IGDCC3: variants seen among roughly 807,000 people sequenced by gnomAD.
IGDCC3 encodes putative neuronal cell adhesion molecule.
IGDCC3 carries 47 observed loss-of-function variants against 72.0 expected under a neutral mutation model. The ratio of observed to expected loss-of-function variants is 0.65; its 90% CI spans 0.52 to 0.83. The LOEUF (loss-of-function observed/expected upper bound fraction) is 0.83. Ranked by LOEUF, IGDCC3 falls within the 40% of genes least tolerant of loss-of-function variation. IGDCC3 has a pLI of 0.00. For synonymous variants in IGDCC3, 477 were observed against 472.8 expected, an observed-to-expected ratio of 1.01 and a Z score of -0.11; for missense variants, 1,038 against 1,091.3, an observed-to-expected ratio of 0.95 and a Z score of 0.69.
In IGDCC3 at chr15:65,335,435, G is replaced by A. The variant is rs370400101; in HGVS notation, c.555-14C>T. ...AGCAATGTGTACCTGTTGAGGGGAGGGACATAGTTGGCCACCAGCACAGCC... is the reference window on the plus strand; with the variant it reads ...AGCAATGTGTACCTGTTGAGGGGAGAGACATAGTTGGCCACCAGCACAGCC... On this transcript the variant is annotated splice_polypyrimidine_tract_variant and intron_variant, in intron 3 of 13. Coordinates refer to ENST00000327987, the MANE Select transcript of IGDCC3 (RefSeq NM_004884.4). 31 of 1,595,102 alleles carry A rather than the reference G, an allele frequency of 1.9e-5. No homozygotes were observed. Among genetic ancestry groups the A allele is most frequent in the Middle Eastern group, 1.7e-4 (1 of 5,970 alleles).
chr15:65,335,224 A>T, intron 4 of IGDCC3, 67 bp downstream of exon 4: 1 of 1,529,440 alleles, frequency 6.5e-7, no homozygotes, highest in Non-Finnish European at 8.9e-7. Context: ...AAGGGGGTTG[A>T]TCTAAGGGTA....
chr15:65,335,803 G>A lies in IGDCC3; in HGVS notation c.554+9C>T, dbSNP rs911126674. On this transcript the variant is annotated intron_variant, in intron 3 of 13. Transcript: ENST00000327987. Reference sequence around the variant, plus strand: ...TGTCCTCCCTCTGTCTTTCCCACACGTGGCTCACCTCTCATTGTCCGTGTC... The same window carrying A: ...TGTCCTCCCTCTGTCTTTCCCACACATGGCTCACCTCTCATTGTCCGTGTC... 7 of 1,613,774 alleles carry A rather than the reference G, an allele frequency of 4.3e-6. No homozygotes were observed. Among genetic ancestry groups the A allele is most frequent in the Middle Eastern group, 1.6e-4 (1 of 6,082 alleles).
chr15:65,359,523 T>A (rs2091247467), intron 2 of IGDCC3, among the ~76,000 whole-genome samples: 1 of 152,154 alleles, frequency 6.6e-6, no homozygotes, highest in African/African-American at 2.4e-5. Flanking sequence ...TCTCCTGGGA[T>A]GGAAGACTGA....
chr15:65,333,232 C>T, intron 6 of IGDCC3, 25 bp downstream of exon 6: 1 of 1,574,940 alleles, frequency 6.3e-7, no homozygotes, highest in Non-Finnish European at 8.6e-7. Flanking sequence ...CCCTGCCCTC[C>T]TCCTCAGGGT....
At chr15:65,357,147 C>A (rs1054028083) in intron 2 of IGDCC3, among the ~76,000 whole-genome samples, 1 of 151,888 alleles carries the variant, frequency 6.6e-6, no homozygotes, top group Non-Finnish European at 1.5e-5. Flanking sequence ...CCACCACACC[C>A]GGCCTGGACC....
At chr15:65,362,846 ATTTT>A (rs869239198) in intron 2 of IGDCC3, among the ~76,000 whole-genome samples, 6,487 of 85,548 alleles carry the variant, frequency 0.076, 650 homozygotes, top group African/African-American at 0.26. Flanking sequence ...AGGTTTGGGG[ATTTT>A]TTTTTTTTTT....
In IGDCC3 at chr15:65,377,249, C is replaced by T; in HGVS notation, c.103+437G>A. On this transcript the variant is annotated intron_variant, in intron 1 of 13. Transcript: ENST00000327987. This position sits in a 1 kb window ranked among gnomAD's most constrained non-coding sequence, Gnocchi z 4.9. ...CCGCCCAGTGCAGCCGTCAGAGTCC[C>T]GGTCTCCGCTCCCCAGGCTGCTGTC... 6.6e-6 allele frequency among the ~76,000 whole-genome samples: 1 copy of T among 152,184 alleles called. No individual in the cohort carries two copies. The highest frequency in any genetic ancestry group is 1.5e-5 in the Non-Finnish European group (1 of 68,034).
intron 2 of IGDCC3, among the ~76,000 whole-genome samples, chr15:65,370,622 A>ATATATGTATGTG (rs2091320000): frequency 1.2e-5 from 1 of 81,698 alleles, no homozygotes; most frequent in South Asian, 3.1e-4. Flanking sequence ...ATGTATGTGT[A>ATATATGTATGTG]TATATATATA....
intron 2 of IGDCC3, chr15:65,355,585 G>GGGCCGCGCGCCGCCTTTGAAGT (rs1385646608): frequency 3.1e-5 from 5 of 160,120 alleles, no homozygotes; most frequent in African/African-American, 1.2e-4. Flanking sequence ...ACAGCCGACC[G>GGGCCGCGCGCCGCCTTTGAAGT]GGCCGCGCGC....
At chr15:65,370,620 G>GTATATATATATATATATATA (rs71136346) in intron 2 of IGDCC3, among the ~76,000 whole-genome samples, 11 of 94,570 alleles carry the variant, frequency 1.2e-4, no homozygotes, top group East Asian at 8.8e-4. Context: ...ATATGTATGT[G>GTATATATATATATATATATA]TATATATATA....
chr15:65,331,150 G>C lies in IGDCC3; in HGVS notation c.1461C>G (p.Asp487Glu). 6.2e-7 allele frequency: 1 copy of C among 1,614,146 alleles called. No homozygotes were observed. Among genetic ancestry groups the C allele is most frequent in the Non-Finnish European group, 8.5e-7 (1 of 1,180,012 alleles). The change falls in exon 9 of 14, where the codon GAC becomes GAG. Residue 487 changes from aspartate to glutamate, a missense_variant. By Grantham distance (45) the Asp-to-Glu change is conservative. Transcript: ENST00000327987. ...SKSTFQHLVS[D>E]LEPSTAYSFY... The stretch of plus-strand genomic sequence containing the variant: ...AACTGTAGGCTGTGGAGGGCTCCAG[G>C]TCGCTGACCAGGTGCTGAAAGGTGC...
chr15:65,350,185 G>A (rs1000014601), intron 2 of IGDCC3, among the ~76,000 whole-genome samples: 8 of 152,150 alleles, frequency 5.3e-5, no homozygotes, highest in Admixed American at 4.6e-4. Context: ...AGTCGGGAGT[G>A]CAGTGGCTTG....
chr15:65,329,529 G>A lies in IGDCC3; in HGVS notation c.2066C>T (p.Pro689Leu), dbSNP rs758579816. 3.0e-5 allele frequency: 49 copies of A among 1,606,752 alleles called. No homozygotes were observed. Among genetic ancestry groups the A allele is most frequent in the Non-Finnish European group, 4.0e-5 (47 of 1,178,190 alleles). ...PPQGPRSQRDPGILALNGARR... is the reference protein window; with the variant it reads ...PPQGPRSQRDLGILALNGARR... ...CGCCCCATTTAGGGCTAGAATGCCA[G>A]GGTCCCTCTGGCTCCGGGGACCCTG... Residue 689 changes from proline to leucine, a missense_variant, in exon 13 of 14, where the codon CCT (proline) becomes CTT (leucine). Physicochemically the swap from Pro to Leu is moderately conservative, Grantham distance 98. Coordinates refer to ENST00000327987, the MANE Select transcript of IGDCC3 (RefSeq NM_004884.4). The surrounding 1 kb of genome is among the most constrained non-coding windows in gnomAD (Gnocchi z 4.1).
intron 5 of IGDCC3, among the ~76,000 whole-genome samples, chr15:65,334,254 G>C (rs1056800039): frequency 6.6e-6 from 1 of 152,142 alleles, no homozygotes; most frequent in African/African-American, 2.4e-5. Context: ...AGCTGCCTGG[G>C]GATTTAGGCT....
intron 2 of IGDCC3, among the ~76,000 whole-genome samples, chr15:65,354,726 TC>T (rs1440574700): frequency 6.6e-6 from 1 of 152,218 alleles, no homozygotes; most frequent in Non-Finnish European, 1.5e-5. Context: ...CCTCATCTTG[TC>T]TTCCACATAA....
At position 65,329,189 on chromosome 15, in the gene IGDCC3, C is replaced by T. The variant is rs556180007; in HGVS notation, c.2206-41G>A. 6.4e-7 allele frequency: 1 copy of T among 1,568,672 alleles called. No individual in the cohort carries two copies. The highest frequency in any genetic ancestry group is 2.3e-5 in the East Asian group (1 of 44,384). On this transcript the variant is annotated intron_variant, in intron 13 of 13. Coordinates refer to ENST00000327987, the MANE Select transcript of IGDCC3 (RefSeq NM_004884.4). The surrounding 1 kb of genome is among the most constrained non-coding windows in gnomAD (Gnocchi z 4.1). ...GTCACACAGGCGTCAGCTTGAGGGC[C>T]AGGGCGCCAGGCTCCAACTCACCCC...
intron 2 of IGDCC3, among the ~76,000 whole-genome samples, chr15:65,347,015 C>T (rs2091130148): frequency 6.6e-6 from 1 of 152,174 alleles, no homozygotes. Context: ...GAGCCCCTCT[C>T]CACAGACTGT....
intron 2 of IGDCC3, among the ~76,000 whole-genome samples, chr15:65,360,473 T>G (rs2091253192): frequency 6.6e-6 from 1 of 152,194 alleles, no homozygotes; most frequent in Non-Finnish European, 1.5e-5. Context: ...TTCTCTAAGG[T>G]ACAGGAGAAT....
Position 65,329,089 on chromosome 15 carries a change from C to T in IGDCC3, c.2265G>A (p.Gln755=), listed in dbSNP as rs201058521. 6.2e-7 allele frequency: 1 copy of T among 1,611,480 alleles called. No individual in the cohort carries two copies. Among genetic ancestry groups the T allele is most frequent in the African/African-American group, 1.3e-5 (1 of 75,048 alleles). The stretch of plus-strand genomic sequence containing the variant: ...TCTTCCCCTCCATCAGGCCGCACCC[C>T]TGAAGTGGCAGCACGGAGAGCTGGG... The part of the protein sequence containing the change: ...EETQLSVLPL[Q]GCGLMEGKTT... The change falls in exon 14 of 14, where the codon CAG becomes CAA. Residue 755 remains glutamine (Q), a synonymous_variant. Transcript: ENST00000327987. The surrounding 1 kb of genome is among the most constrained non-coding windows in gnomAD (Gnocchi z 4.1).
Sources: allele counts gnomAD v4.1 joint callset (sites outside exome capture counted in the v4.1 genomes callset), GRCh38; gene constraint gnomAD v4.1.1; non-coding constraint Gnocchi (gnomAD v3.1); transcripts MANE v1.5; gene names NCBI Gene and HGNC (gene_info 2026-07-23, HGNC 2026-07-21).